VPS35L: variants seen among roughly 807,000 people sequenced by gnomAD.
VPS35L encodes VPS35 endosomal protein sorting factor like.
A neutral mutation model predicts 133.0 loss-of-function variants in VPS35L; 83 were observed. The observed-to-expected ratio is 0.62, with a 90% CI of 0.52 to 0.75. VPS35L has a LOEUF of 0.75. Ranked by LOEUF, VPS35L falls within the 30% of genes least tolerant of loss-of-function variation. The pLI is 0.00. For synonymous variants in VPS35L, 423 were observed against 449.9 expected (o/e 0.94, Z 0.76); for missense variants, 1,083 against 1,206.8 (o/e 0.90, Z 1.52).
intron 28 of VPS35L, among the ~76,000 whole-genome samples, chr16:19,685,750 C>T (rs1411459769): frequency 6.6e-6 from 1 of 152,182 alleles, no homozygotes; most frequent in Non-Finnish European, 1.5e-5. Context: ...CGAGGTTGAA[C>T]ACCCTTTCCT....
intron 6 of VPS35L, among the ~76,000 whole-genome samples, chr16:19,581,155 G>A (rs1427411227): frequency 6.6e-6 from 1 of 152,096 alleles, no homozygotes; most frequent in Non-Finnish European, 1.5e-5. Context: ...CTAGTCCCAT[G>A]TCCTGCACAC....
chr16:19,618,495 G>A (rs573659374), intron 14 of VPS35L, among the ~76,000 whole-genome samples: 1 of 152,296 alleles, frequency 6.6e-6, no homozygotes, highest in East Asian at 1.9e-4. Flanking sequence ...ACATACTGAC[G>A]TAAGGGTATT....
At chr16:19,693,785 GA>G (rs1567495286) in intron 29 of VPS35L, among the ~76,000 whole-genome samples, 1 of 149,634 alleles carries the variant, frequency 6.7e-6, no homozygotes, top group Non-Finnish European at 1.5e-5. Context: ...CTCCATCTCA[GA>G]AAAAAATTTT....
intron 3 of VPS35L, among the ~76,000 whole-genome samples, chr16:19,570,636 A>G (rs1971331439): frequency 6.6e-6 from 1 of 151,512 alleles, no homozygotes; most frequent in South Asian, 2.1e-4. Context: ...TACAGCATCA[A>G]CTTACTGCAT....
chr16:19,601,541 A>G (rs772609541), intron 8 of VPS35L, 123 bp from the exon 9 acceptor site: 253 of 894,562 alleles, frequency 2.8e-4, no homozygotes, highest in Non-Finnish European at 3.5e-4. Context: ...AGGTGGCAGC[A>G]TACCATCACA....
intron 27 of VPS35L, among the ~76,000 whole-genome samples, chr16:19,678,339 GAGGT>G (rs1327726823): frequency 6.6e-6 from 1 of 151,908 alleles, no homozygotes; most frequent in Non-Finnish European, 1.5e-5. Flanking sequence ...TTCTACTTGG[GAGGT>G]AGCCCTGCCA....
intron 8 of VPS35L, among the ~76,000 whole-genome samples, chr16:19,593,740 A>T (rs960295240): frequency 6.6e-6 from 1 of 152,012 alleles, no homozygotes; most frequent in Non-Finnish European, 1.5e-5. Context: ...AACATGGTGA[A>T]ACCCCGTCTC....
At chr16:19,555,809 C>T in intron 1 of VPS35L, 63 bp downstream of exon 1, 2 of 1,523,614 alleles carry the variant, frequency 1.3e-6, no homozygotes, top group African/African-American at 1.4e-5. Context: ...TGGGGTCGGC[C>T]TGGGTCTGAG....
intron 3 of VPS35L, among the ~76,000 whole-genome samples, chr16:19,572,194 C>T (rs957466458): frequency 1.3e-5 from 2 of 152,006 alleles, no homozygotes; most frequent in African/African-American, 2.4e-5. Flanking sequence ...CTGAGGCGGG[C>T]GGATCATGAG....
At chr16:19,607,941 C>A in intron 9 of VPS35L, 1 of 476,222 alleles carries the variant, frequency 2.1e-6, no homozygotes, top group Admixed American at 3.4e-5. Flanking sequence ...CAGAGGGTTG[C>A]TATATGGGAT....
chr16:19,687,608 A>C (rs1455621373), intron 28 of VPS35L, among the ~76,000 whole-genome samples: 1 of 152,198 alleles, frequency 6.6e-6, no homozygotes, highest in Non-Finnish European at 1.5e-5. Flanking sequence ...CGAGCAGTTT[A>C]AGATTGGATA....
chr16:19,627,726 T>G lies in VPS35L; in HGVS notation c.1304T>G (p.Phe435Cys). ...ALLLNSVMSA[F>C]RAEFIATRSM... ...CTGTTGAATTCTGTGATGTCTGCCT[T>G]CCGGGCTGAGTTCATCGCCACAAGG... Residue 435 changes from phenylalanine to cysteine, a missense_variant, in exon 16 of 31, where the codon TTC becomes TGC. By Grantham distance (205) the Phe-to-Cys change is radical. Transcript: ENST00000417362. 1 of 1,614,108 alleles carries G rather than the reference T, an allele frequency of 6.2e-7. No homozygotes were observed. Among genetic ancestry groups the G allele is most frequent in the East Asian group, 2.2e-5 (1 of 44,886 alleles).
At chr16:19,645,671 T>A (rs1973923013) in intron 23 of VPS35L, among the ~76,000 whole-genome samples, 1 of 151,792 alleles carries the variant, frequency 6.6e-6, no homozygotes, top group Non-Finnish European at 1.5e-5. Context: ...CAGGTTTCCA[T>A]CCCCCCCAGC....
intron 26 of VPS35L, among the ~76,000 whole-genome samples, chr16:19,654,358 G>A (rs144795663): frequency 0.011 from 1,555 of 138,394 alleles, 12 homozygotes; most frequent in Non-Finnish European, 0.013. Context: ...GGACAGGCAC[G>A]TGTCCTCACT....
chr16:19,645,881 C>G (rs545016268), intron 23 of VPS35L, among the ~76,000 whole-genome samples: 27 of 152,346 alleles, frequency 1.8e-4, no homozygotes, highest in African/African-American at 5.8e-4. Flanking sequence ...GCCAGATATC[C>G]ACTCCCCATC....
chr16:19,558,668 C>A (rs1291969034), intron 1 of VPS35L, among the ~76,000 whole-genome samples: 1 of 152,138 alleles, frequency 6.6e-6, no homozygotes, highest in African/African-American at 2.4e-5. Context: ...TGCCTCTAAT[C>A]CCAGCACTTT....
intron 7 of VPS35L, among the ~76,000 whole-genome samples, chr16:19,584,839 A>C (rs1268660035): frequency 6.6e-6 from 1 of 151,982 alleles, no homozygotes; most frequent in South Asian, 2.1e-4. Context: ...CTATAGGCAC[A>C]TACCACCATG....
chr16:19,599,203 C>G (rs170538), intron 8 of VPS35L, among the ~76,000 whole-genome samples: 6,744 of 152,264 alleles, frequency 0.044, 263 homozygotes, highest in African/African-American at 0.1. Context: ...CTCAGCTGCA[C>G]ATTGAAATCA....
At chr16:19,556,558 A>G (rs1970863054) in intron 1 of VPS35L, among the ~76,000 whole-genome samples, 2 of 152,120 alleles carry the variant, frequency 1.3e-5, no homozygotes, top group Admixed American at 1.3e-4. Context: ...TGATAGTGGG[A>G]TTTGGGGACG....
Sources: gnomAD v4.1 joint callset for allele counts (sites outside exome capture counted in the v4.1 genomes callset) on GRCh38, gnomAD v4.1.1 for gene constraint, MANE v1.5 for transcripts, NCBI Gene and HGNC (gene_info 2026-07-23, HGNC 2026-07-21) for gene names.